The following ENTPD1 variants were observed in gnomAD, a reference collection of about 807,000 sequenced individuals.
ENTPD1 encodes ectonucleoside triphosphate diphosphohydrolase 1.
Under a neutral mutation model 57.0 loss-of-function variants are expected in ENTPD1, and 33 were observed. The ratio of observed to expected loss-of-function variants is 0.58; its 90% CI spans 0.44 to 0.77. The LOEUF (loss-of-function observed/expected upper bound fraction) is 0.77. Among genes scored for constraint, ENTPD1 ranks in the 30% least tolerant of loss-of-function variants. ENTPD1 has a pLI of 0.00. For missense variants in ENTPD1, 501 were observed against 603.4 expected, an observed-to-expected ratio of 0.83 and a Z score of 1.78; for synonymous variants, 202 against 218.8, an observed-to-expected ratio of 0.92 and a Z score of 0.68.
chr10:95,847,763 T>C (rs1160473904), intron 7 of ENTPD1, 57 bp downstream of exon 7: 1 of 1,610,496 alleles, frequency 6.2e-7, no homozygotes, highest in East Asian at 2.2e-5. Flanking sequence ...ATAGAATATG[T>C]GCCTACAAAA....
intron 2 of ENTPD1, among the ~76,000 whole-genome samples, chr10:95,835,597 A>C (rs2098407798): frequency 6.6e-6 from 1 of 152,216 alleles, no homozygotes; most frequent in Admixed American, 6.5e-5. Context: ...TCTTGCCAGC[A>C]TCTGTTATTT....
At chr10:95,762,543 A>G (rs2098069868) in intron 1 of ENTPD1, among the ~76,000 whole-genome samples, 1 of 152,106 alleles carries the variant, frequency 6.6e-6, no homozygotes. Context: ...AAGCACATGT[A>G]TTTTCCATTT....
intron 1 of ENTPD1, among the ~76,000 whole-genome samples, chr10:95,730,654 A>G (rs957251872): frequency 1.1e-4 from 16 of 152,220 alleles, no homozygotes; most frequent in African/African-American, 3.9e-4. Context: ...AATATGTGTT[A>G]TTTATTTATA....
chr10:95,796,282 T>A (rs1369043843), intron 1 of ENTPD1, among the ~76,000 whole-genome samples: 2 of 152,100 alleles, frequency 1.3e-5, no homozygotes, highest in East Asian at 3.9e-4. Context: ...TATTATAGCA[T>A]TGTGAGAAGG....
intron 2 of ENTPD1, among the ~76,000 whole-genome samples, chr10:95,834,862 G>A (rs1020364013): frequency 3.9e-5 from 6 of 151,950 alleles, no homozygotes; most frequent in African/African-American, 7.2e-5. Flanking sequence ...CATGAAGATC[G>A]GTTATGATCT....
At chr10:95,764,657 A>G (rs541040016) in intron 1 of ENTPD1, among the ~76,000 whole-genome samples, 1 of 148,672 alleles carries the variant, frequency 6.7e-6, no homozygotes, top group Non-Finnish European at 1.5e-5. Flanking sequence ...AAATCTATTC[A>G]TGTGTTTAGT....
exon 1 of ENTPD1, chr10:95,711,889 C>A (rs2097965875): frequency 6.2e-7 from 1 of 1,610,974 alleles, no homozygotes; most frequent in Non-Finnish European, 8.5e-7. Context: ...GGGAAGTTTT[C>A]CTTGGCCCCT....
Position 95,871,658 on chromosome 10 carries a change from C to G in ENTPD1, c.*5275C>G. ...TCATTTGAAGTGAAGATTGCTATGTCTTTTGCATTGCTCTATTTTACATAA... is the reference window on the plus strand; with the variant it reads ...TCATTTGAAGTGAAGATTGCTATGTGTTTTGCATTGCTCTATTTTACATAA... On this transcript the variant is annotated 3_prime_UTR_variant, in exon 10 of 10. Transcript: ENST00000371205. The G allele has an allele frequency of 4.1e-6, 4 of 985,326 alleles. No homozygotes were observed. Among genetic ancestry groups the G allele is most frequent in the Non-Finnish European group, 3.6e-6 (3 of 829,854 alleles). The allele number at this position is 985,326 out of a possible 1,614,324, so 61.0% of individuals were successfully genotyped here. A position where few individuals can be genotyped will look rare whatever the true frequency, so the allele number is the denominator to read the frequency against.
intron 4 of ENTPD1, 64 bp from the exon 5 acceptor site, chr10:95,844,412 G>GA: frequency 6.2e-7 from 1 of 1,607,288 alleles, no homozygotes; most frequent in South Asian, 1.1e-5. Flanking sequence ...TGCTGTAGCT[G>GA]AAATGGGTAA....
At position 95,871,170 on chromosome 10, in the gene ENTPD1, A is replaced by G. The variant is rs1345450122; in HGVS notation, c.*4787A>G. 1.0e-6 allele frequency: 1 copy of G among 985,388 alleles called. No individual in the cohort carries two copies. The highest frequency in any genetic ancestry group is 6.1e-5 in the Admixed American group (1 of 16,272). 61.0% of individuals were successfully genotyped at this position (985,388 alleles called of 1,614,324 possible). On this transcript the variant is annotated 3_prime_UTR_variant, in exon 10 of 10. Transcript: ENST00000371205. ...ACAGTGGGAGGAATGGCAAAGTCAT[A>G]TGGCCAAGGCCATGAGTGATTAATT... is the stretch of plus-strand genomic sequence containing the variant.
chr10:95,850,399 T>A (rs1465766461), intron 7 of ENTPD1, among the ~76,000 whole-genome samples: 1 of 152,204 alleles, frequency 6.6e-6, no homozygotes, highest in African/African-American at 2.4e-5. Flanking sequence ...ACCTAAAGTT[T>A]TTTTGTCTGT....
intron 1 of ENTPD1, among the ~76,000 whole-genome samples, chr10:95,738,114 T>C (rs2097996560): frequency 6.6e-6 from 1 of 152,156 alleles, no homozygotes; most frequent in East Asian, 1.9e-4. Flanking sequence ...CCCTGGCATA[T>C]GGTAGGTGTC....
At chr10:95,755,667 T>G (rs1015507357), upstream of ENTPD1, 5 of 1,536,576 alleles carry the variant, frequency 3.3e-6, no homozygotes, top group African/African-American at 6.9e-5. Context: ...TGCTCTTTGC[T>G]CTAATGAGCC....
At chr10:95,848,917 G>A (rs2098440218) in intron 7 of ENTPD1, among the ~76,000 whole-genome samples, 1 of 152,142 alleles carries the variant, frequency 6.6e-6, no homozygotes, top group African/African-American at 2.4e-5. Flanking sequence ...AGGAAGAAGG[G>A]GGCTAGCTAT....
At chr10:95,759,840 A>G (rs373808290) in intron 1 of ENTPD1, among the ~76,000 whole-genome samples, 2 of 152,168 alleles carry the variant, frequency 1.3e-5, no homozygotes, top group Non-Finnish European at 2.9e-5. Context: ...ATTCCATGAT[A>G]TTGGTTTCTG....
intron 1 of ENTPD1, among the ~76,000 whole-genome samples, chr10:95,776,395 T>C (rs921080396): frequency 3.3e-5 from 5 of 152,230 alleles, no homozygotes; most frequent in African/African-American, 4.8e-5. Context: ...CCTTCACTTA[T>C]GAAGCTTAGT....
intron 1 of ENTPD1, among the ~76,000 whole-genome samples, chr10:95,804,217 T>C (rs527833303): frequency 6.6e-6 from 1 of 152,368 alleles, no homozygotes; most frequent in South Asian, 2.1e-4. Context: ...AGCTTTAAAG[T>C]AGTTTTCTTC....
At chr10:95,862,971 A>G (rs1305328737) in intron 8 of ENTPD1, among the ~76,000 whole-genome samples, 1 of 152,166 alleles carries the variant, frequency 6.6e-6, no homozygotes, top group Non-Finnish European at 1.5e-5. Context: ...CTGGGAATAG[A>G]AAGGAGAGAA....
At chr10:95,803,978 G>A (rs1444383815) in intron 1 of ENTPD1, among the ~76,000 whole-genome samples, 2 of 152,056 alleles carry the variant, frequency 1.3e-5, no homozygotes, top group Non-Finnish European at 2.9e-5. Flanking sequence ...CTCATTTCTT[G>A]TTTTTGTCAG....
Sources: allele counts gnomAD v4.1 joint callset (sites outside exome capture counted in the v4.1 genomes callset), GRCh38; gene constraint gnomAD v4.1.1; transcripts MANE v1.5; gene names NCBI Gene and HGNC (gene_info 2026-07-23, HGNC 2026-07-21).